The following KDM4C variants were observed in gnomAD, a reference collection of about 807,000 sequenced individuals.
KDM4C encodes lysine demethylase 4C.
In KDM4C, 81 loss-of-function variants were observed where a neutral mutation model predicts 129.3. That is an observed-to-expected ratio of 0.63 (90% CI 0.52 to 0.75). The LOEUF is 0.75. Ranked by LOEUF, KDM4C falls within the 30% of genes least tolerant of loss-of-function variation. The pLI, the probability that KDM4C is intolerant of heterozygous loss-of-function variation, is 0.00. For missense variants in KDM4C, 1,457 were observed against 1,304.0 expected, an observed-to-expected ratio of 1.12 and a Z score of -1.81; for synonymous variants, 573 against 456.1, an observed-to-expected ratio of 1.26 and a Z score of -3.26.
At chr9:6,862,302 A>T (rs1174781797) in intron 5 of KDM4C, among the ~76,000 whole-genome samples, 1 of 152,200 alleles carries the variant, frequency 6.6e-6, no homozygotes, top group Non-Finnish European at 1.5e-5. Flanking sequence ...GAAGATTAAC[A>T]TTACTTATGA....
chr9:6,843,852 C>G (rs1325056792), intron 4 of KDM4C, among the ~76,000 whole-genome samples: 2 of 152,090 alleles, frequency 1.3e-5, no homozygotes, highest in African/African-American at 4.8e-5. Context: ...ATTTGATGGA[C>G]ATGCCATCTT....
intron 1 of KDM4C, among the ~76,000 whole-genome samples, chr9:6,736,272 A>G (rs552149337): frequency 6.6e-6 from 1 of 152,344 alleles, no homozygotes; most frequent in African/African-American, 2.4e-5. Context: ...GGAGAAACTC[A>G]ATCCAGATGC....
At chr9:7,065,730 G>C (rs1832331590) in intron 17 of KDM4C, among the ~76,000 whole-genome samples, 1 of 152,146 alleles carries the variant, frequency 6.6e-6, no homozygotes, top group Non-Finnish European at 1.5e-5. Flanking sequence ...GAAAGCAGTG[G>C]TAGTGTCAGA....
intron 1 of KDM4C, among the ~76,000 whole-genome samples, chr9:6,735,947 T>G (rs1223401102): frequency 6.6e-6 from 1 of 152,160 alleles, no homozygotes; most frequent in Non-Finnish European, 1.5e-5. Context: ...GATAGTATTA[T>G]GGACAATAAA....
chr9:6,982,943 T>C (rs958393939), intron 9 of KDM4C, among the ~76,000 whole-genome samples: 2 of 152,248 alleles, frequency 1.3e-5, no homozygotes, highest in African/African-American at 2.4e-5. Flanking sequence ...TTAGAGATTA[T>C]TGATCTCCCT....
intron 8 of KDM4C, among the ~76,000 whole-genome samples, chr9:6,940,538 C>G (rs564214238): frequency 2.6e-5 from 4 of 152,242 alleles, no homozygotes; most frequent in Admixed American, 2.6e-4. Context: ...CAAATTGCTA[C>G]TTGAATATTA....
At chr9:6,993,347 A>G (rs1036987319) in intron 12 of KDM4C, among the ~76,000 whole-genome samples, 1 of 151,966 alleles carries the variant, frequency 6.6e-6, no homozygotes, top group Non-Finnish European at 1.5e-5. Context: ...TTTTCTTTTA[A>G]CTGAAATGTT....
Position 6,866,830 on chromosome 9 carries a change from C to G in KDM4C, c.630-13182C>G, listed in dbSNP as rs535761491. On this transcript the variant is annotated intron_variant, in intron 5 of 21. Coordinates refer to ENST00000381309, the MANE Select transcript of KDM4C (RefSeq NM_015061.6). The stretch of plus-strand genomic sequence containing the variant: ...ATTTGCTTGGAAGTTTTTTACTTCT[C>G]TGGGATCTGACTCCTCCTCATATTT... Among the ~76,000 whole-genome samples the G allele has an allele frequency of 1.5e-4, 23 of 150,294 alleles. No homozygotes were observed. In the South Asian group the frequency reaches 3.4e-3, roughly 22 times the overall value.
chr9:6,902,515 A>C (rs1471061330), intron 8 of KDM4C, among the ~76,000 whole-genome samples: 1 of 152,142 alleles, frequency 6.6e-6, no homozygotes, highest in South Asian at 2.1e-4. Flanking sequence ...TGTGAGGCTT[A>C]GTTTTCCTAC....
chr9:6,733,800 G>A (rs2918188), intron 1 of KDM4C, among the ~76,000 whole-genome samples: 70,224 of 151,994 alleles, frequency 0.46, 16,431 homozygotes, highest in Admixed American at 0.55. Flanking sequence ...TTTTTTGATG[G>A]TATGCTAAAC....
At chr9:7,137,103 G>A (rs969765066) in intron 19 of KDM4C, among the ~76,000 whole-genome samples, 7 of 152,126 alleles carry the variant, frequency 4.6e-5, no homozygotes. Flanking sequence ...AGGTGAAGTC[G>A]ATCATTACCT....
intron 15 of KDM4C, among the ~76,000 whole-genome samples, chr9:7,043,926 C>G (rs1361425727): frequency 2.6e-5 from 4 of 151,986 alleles, no homozygotes; most frequent in Non-Finnish European, 5.9e-5. Flanking sequence ...AAGATTTTCA[C>G]TCTTCCCTGT....
intron 15 of KDM4C, among the ~76,000 whole-genome samples, chr9:7,020,825 A>G (rs572663694): frequency 1.3e-5 from 2 of 151,854 alleles, no homozygotes; most frequent in East Asian, 3.9e-4. Flanking sequence ...ATCCAGTTAT[A>G]CTCATTGCGT....
intron 15 of KDM4C, among the ~76,000 whole-genome samples, chr9:7,021,268 C>T (rs1824804735): frequency 1.3e-5 from 2 of 151,932 alleles, no homozygotes; most frequent in Admixed American, 6.6e-5. Context: ...TCTCAGCCTC[C>T]TGGGTAGCTG....
chr9:7,133,374 CT>C (rs1406165481), intron 19 of KDM4C, among the ~76,000 whole-genome samples: 1 of 152,172 alleles, frequency 6.6e-6, no homozygotes, highest in East Asian at 1.9e-4. Flanking sequence ...ATCATTCCCA[CT>C]TGCTATAAGG....
chr9:6,970,776 TA>T (rs1212528482), intron 8 of KDM4C, among the ~76,000 whole-genome samples: 5 of 152,104 alleles, frequency 3.3e-5, no homozygotes, highest in African/African-American at 1.2e-4. Flanking sequence ...TATTGCTATT[TA>T]AAAAACAGTA....
chr9:7,146,575 T>A (rs1326974637), intron 19 of KDM4C, among the ~76,000 whole-genome samples: 3 of 152,174 alleles, frequency 2.0e-5, no homozygotes, highest in Non-Finnish European at 4.4e-5. Flanking sequence ...TATACTTAAT[T>A]TTTTTTAAGT....
At chr9:7,049,761 A>AT (rs971349073) in intron 17 of KDM4C, among the ~76,000 whole-genome samples, 15 of 152,200 alleles carry the variant, frequency 9.9e-5, no homozygotes, top group Admixed American at 3.9e-4. Context: ...TGTTAAGAGC[A>AT]TTTTTCATTG....
intron 19 of KDM4C, among the ~76,000 whole-genome samples, chr9:7,148,469 G>C (rs1292371055): frequency 1.3e-5 from 2 of 152,224 alleles, no homozygotes; most frequent in Non-Finnish European, 2.9e-5. Context: ...GTGGAGAACA[G>C]GAGGGCTGTA....
Sources: gnomAD v4.1 joint callset for allele counts (sites outside exome capture counted in the v4.1 genomes callset) on GRCh38, gnomAD v4.1.1 for gene constraint, MANE v1.5 for transcripts, NCBI Gene and HGNC (gene_info 2026-07-23, HGNC 2026-07-21) for gene names.